The following ANKS1B variants were observed in gnomAD, a reference collection of about 807,000 sequenced individuals.
ANKS1B encodes the protein ankyrin repeat and sterile alpha motif domain-containing protein 1B.
A neutral mutation model predicts 148.3 loss-of-function variants in ANKS1B; 36 were observed. That is an observed-to-expected ratio of 0.24 (90% CI 0.19 to 0.32). The LOEUF (loss-of-function observed/expected upper bound fraction) is 0.32, where lower values mean the gene tolerates loss of function less well. Ranked by LOEUF, ANKS1B falls within the 10% of genes least tolerant of loss-of-function variation. ANKS1B has a pLI of 1.00. For missense variants in ANKS1B, 1,157 were observed against 1,542.6 expected (o/e 0.75, Z 4.19); for synonymous variants, 542 against 560.8 (o/e 0.97, Z 0.47).
intron 17 of ANKS1B, among the ~76,000 whole-genome samples, chr12:98,904,188 G>A (rs1399204581): frequency 1.3e-5 from 2 of 152,096 alleles, no homozygotes; most frequent in African/African-American, 4.8e-5. Flanking sequence ...GGCTATGGGG[G>A]TGGGGATAAA....
intron 8 of ANKS1B, among the ~76,000 whole-genome samples, chr12:99,660,281 A>T (rs1174211071): frequency 1.3e-5 from 2 of 151,972 alleles, no homozygotes; most frequent in Non-Finnish European, 2.9e-5. Context: ...TACTTGCCTG[A>T]TGACTTTCTC....
intron 14 of ANKS1B, among the ~76,000 whole-genome samples, chr12:99,170,531 C>T (rs747671211): frequency 3.9e-5 from 6 of 152,164 alleles, no homozygotes; most frequent in Non-Finnish European, 8.8e-5. Context: ...CTATCTCAAT[C>T]GTAGGGATAT....
rs374596192 is a variant in ANKS1B at position 99,101,026 on chromosome 12, G to A, written c.2527-16003C>T. ...AGAGAGAGAAGGCACTGCGTGGATC[G>A]GTTGCAGCATGAACAAGGGCAATGA... On this transcript the variant is annotated intron_variant, in intron 15 of 26. Transcript: ENST00000683438. Among the ~76,000 whole-genome samples the A allele has an allele frequency of 7.2e-5, 11 of 152,282 alleles. No homozygotes were observed. The East Asian group carries it at 7.7e-4, about 11-fold the overall frequency.
At chr12:99,302,601 A>C (rs2081802222) in intron 12 of ANKS1B, among the ~76,000 whole-genome samples, 1 of 152,128 alleles carries the variant, frequency 6.6e-6, no homozygotes, top group African/African-American at 2.4e-5. Flanking sequence ...TAGGCACATG[A>C]ATTATTATAG....
intron 17 of ANKS1B, among the ~76,000 whole-genome samples, chr12:99,038,939 A>G (rs1422419158): frequency 6.6e-6 from 1 of 152,206 alleles, no homozygotes; most frequent in African/African-American, 2.4e-5. Flanking sequence ...CCACTAGCTG[A>G]TATCATATTA....
intron 16 of ANKS1B, among the ~76,000 whole-genome samples, chr12:99,076,593 CAT>C (rs534652129): frequency 3.4e-4 from 51 of 152,134 alleles, no homozygotes; most frequent in Admixed American, 9.2e-4. Flanking sequence ...TTCTAAAAGA[CAT>C]ATAGCCAATG....
At chr12:98,995,769 A>G (rs2099929186) in intron 17 of ANKS1B, among the ~76,000 whole-genome samples, 1 of 152,218 alleles carries the variant, frequency 6.6e-6, no homozygotes, top group African/African-American at 2.4e-5. Flanking sequence ...AATCGAGAGA[A>G]AGAGTTCCCA....
At chr12:99,698,648 T>C (rs899041080) in intron 8 of ANKS1B, among the ~76,000 whole-genome samples, 1 of 152,202 alleles carries the variant, frequency 6.6e-6, no homozygotes, top group Admixed American at 6.5e-5. Flanking sequence ...TAAGTTCCTT[T>C]GCTATATATT....
intron 9 of ANKS1B, among the ~76,000 whole-genome samples, chr12:99,653,217 T>C (rs983808198): frequency 2.0e-5 from 3 of 151,930 alleles, no homozygotes; most frequent in Non-Finnish European, 4.4e-5. Flanking sequence ...AAAAAGCAAA[T>C]GTTAGTAAGG....
At position 99,120,969 on chromosome 12, in the gene ANKS1B, C is replaced by T. The variant is rs1040777205; in HGVS notation, c.2526+33320G>A. Among the ~76,000 whole-genome samples the T allele has an allele frequency of 4.6e-5, 7 of 152,020 alleles. No homozygotes were observed. The East Asian group carries it at 5.8e-4, about 13-fold the overall frequency. On this transcript the variant is annotated intron_variant, in intron 15 of 26. Coordinates refer to ENST00000683438, the MANE Select transcript of ANKS1B (RefSeq NM_001352186.2). The stretch of plus-strand genomic sequence containing the variant: ...AAAGTACAGGGCTAGTAAAGCGTAT[C>T]GCATATTAAGAGAATGATGACTAAC...
At chr12:99,533,429 T>A (rs1366275263) in intron 9 of ANKS1B, among the ~76,000 whole-genome samples, 3 of 152,066 alleles carry the variant, frequency 2.0e-5, no homozygotes, top group Admixed American at 2.0e-4. Flanking sequence ...GATCTAGGAG[T>A]CTTTTGGAGG....
At chr12:99,143,864 T>C (rs2153804048) in intron 15 of ANKS1B, among the ~76,000 whole-genome samples, 1 of 152,188 alleles carries the variant, frequency 6.6e-6, no homozygotes, top group Middle Eastern at 3.4e-3. Context: ...CTTTTGTTTG[T>C]CCAGGGCTCA....
chr12:99,769,033 C>T (rs559139915), intron 8 of ANKS1B, among the ~76,000 whole-genome samples: 2 of 151,302 alleles, frequency 1.3e-5, no homozygotes, highest in East Asian at 3.9e-4. Context: ...TTCCAAGCCA[C>T]CCAATCTACG....
chr12:99,054,020 GAAAGTA>G (rs1395857311), intron 16 of ANKS1B, among the ~76,000 whole-genome samples: 2 of 152,220 alleles, frequency 1.3e-5, no homozygotes, highest in Non-Finnish European at 2.9e-5. Flanking sequence ...ATTGGAGTGT[GAAAGTA>G]ATTTAAGCAA....
intron 11 of ANKS1B, among the ~76,000 whole-genome samples, chr12:99,435,215 C>T (rs1044389969): frequency 5.9e-4 from 90 of 152,006 alleles, no homozygotes; most frequent in African/African-American, 2.1e-3. Context: ...TGTATTAGGT[C>T]AGCCTGACCC....
At chr12:98,738,510 C>G (rs1357714418) in intron 9 of ANKS1B, among the ~76,000 whole-genome samples, 1 of 152,128 alleles carries the variant, frequency 6.6e-6, no homozygotes, top group Non-Finnish European at 1.5e-5. Context: ...TGTTTATCGC[C>G]GCTCCACTCG....
At chr12:99,546,275 T>C (rs1200254238) in intron 9 of ANKS1B, among the ~76,000 whole-genome samples, 1 of 152,192 alleles carries the variant, frequency 6.6e-6, no homozygotes, top group African/African-American at 2.4e-5. Context: ...GTAAGCATTC[T>C]TGAACACTAA....
chr12:99,745,911 T>C (rs1011423307), intron 8 of ANKS1B, among the ~76,000 whole-genome samples: 1 of 151,986 alleles, frequency 6.6e-6, no homozygotes, highest in Admixed American at 6.6e-5. Flanking sequence ...TAAAAGACAA[T>C]GATTTTCTAA....
chr12:98,885,135 T>C (rs1481342645), intron 17 of ANKS1B, among the ~76,000 whole-genome samples: 1 of 152,152 alleles, frequency 6.6e-6, no homozygotes, highest in Non-Finnish European at 1.5e-5. Flanking sequence ...TTCCAGAATC[T>C]GATTTAAGAT....
Sources: gnomAD v4.1 joint callset for allele counts (sites outside exome capture counted in the v4.1 genomes callset) on GRCh38, gnomAD v4.1.1 for gene constraint, MANE v1.5 for transcripts, NCBI Gene and HGNC (gene_info 2026-07-23, HGNC 2026-07-21) for gene names.